Variants in ANO3 observed in about 807,000 individuals in gnomAD.
ANO3 encodes anoctamin-3.
ANO3 carries 99 observed loss-of-function variants against 144.8 expected under a neutral mutation model. The ratio of observed to expected loss-of-function variants is 0.68; its 90% CI spans 0.58 to 0.81. The LOEUF (loss-of-function observed/expected upper bound fraction) is 0.81, where lower values mean the gene tolerates loss of function less well. ANO3 is among the 30% of genes least tolerant of loss of function. The pLI, the probability that ANO3 is intolerant of heterozygous loss-of-function variation, is 0.00. For synonymous variants in ANO3, 414 were observed against 392.6 expected (o/e 1.05, Z -0.64); for missense variants, 905 against 1,202.2 (o/e 0.75, Z 3.66).
chr11:26,226,114 A>C (rs1195105843), intron 1 of ANO3, among the ~76,000 whole-genome samples: 1 of 152,064 alleles, frequency 6.6e-6, no homozygotes, highest in African/African-American at 2.4e-5. Flanking sequence ...AATGATACAA[A>C]AGTGTTTCCC....
intron 1 of ANO3, among the ~76,000 whole-genome samples, chr11:26,283,837 C>A (rs1245181407): frequency 6.6e-6 from 1 of 152,024 alleles, no homozygotes; most frequent in African/African-American, 2.4e-5. Flanking sequence ...CTGATGGGAA[C>A]CAATGGGATG....
chr11:26,544,916 A>G (rs1390098292), intron 11 of ANO3, among the ~76,000 whole-genome samples: 1 of 151,928 alleles, frequency 6.6e-6, no homozygotes, highest in Non-Finnish European at 1.5e-5. Flanking sequence ...TAAGAGAAGG[A>G]GTCTGTGATG....
intron 14 of ANO3, among the ~76,000 whole-genome samples, chr11:26,590,327 G>A (rs1212477824): frequency 1.3e-5 from 2 of 152,194 alleles, no homozygotes; most frequent in African/African-American, 4.8e-5. Flanking sequence ...CTTATATGAT[G>A]TGATATTTAC....
chr11:26,573,080 G>A (rs1850889342), intron 14 of ANO3, among the ~76,000 whole-genome samples: 1 of 152,118 alleles, frequency 6.6e-6, no homozygotes, highest in Admixed American at 6.6e-5. Context: ...TGGCGCCAAG[G>A]GCCGTTCAGC....
intron 1 of ANO3, among the ~76,000 whole-genome samples, chr11:26,245,752 G>C (rs1000900440): frequency 1.3e-5 from 2 of 152,138 alleles, no homozygotes; most frequent in African/African-American, 4.8e-5. Flanking sequence ...CCAATATCCC[G>C]ATTGGGTACA....
intron 1 of ANO3, among the ~76,000 whole-genome samples, chr11:26,259,922 A>G (rs1208712211): frequency 6.6e-6 from 1 of 152,144 alleles, no homozygotes; most frequent in African/African-American, 2.4e-5. Context: ...TTACCCTGGC[A>G]TCTGGAACAG....
At chr11:26,289,496 T>A (rs1025109070) in intron 1 of ANO3, among the ~76,000 whole-genome samples, 1 of 147,722 alleles carries the variant, frequency 6.8e-6, no homozygotes, top group Non-Finnish European at 1.5e-5. Flanking sequence ...ATTATTACCT[T>A]TGATTCTAAG....
chr11:26,207,832 T>C (rs1389587578), intron 1 of ANO3, among the ~76,000 whole-genome samples: 1 of 152,176 alleles, frequency 6.6e-6, no homozygotes, highest in African/African-American at 2.4e-5. Context: ...AAATAGTATG[T>C]AAGATTGAAG....
chr11:26,210,060 C>T (rs557432330), intron 1 of ANO3, among the ~76,000 whole-genome samples: 16 of 152,092 alleles, frequency 1.1e-4, no homozygotes, highest in Non-Finnish European at 2.1e-4. Context: ...ATTCTTTGCC[C>T]ATGCCTATGT....
chr11:26,199,333 A>G (rs1851648456), intron 1 of ANO3, among the ~76,000 whole-genome samples: 2 of 152,154 alleles, frequency 1.3e-5, no homozygotes, highest in Non-Finnish European at 2.9e-5. Context: ...CTCCTACTAA[A>G]GAGAAAATTT....
At chr11:26,419,847 T>C (rs1337628578) in intron 1 of ANO3, among the ~76,000 whole-genome samples, 1 of 152,078 alleles carries the variant, frequency 6.6e-6, no homozygotes. Flanking sequence ...TGTGATTTAG[T>C]TGAAGAGGAA....
chr11:26,531,041 C>A (rs1332848586), intron 7 of ANO3, among the ~76,000 whole-genome samples, 164 bp from the exon 8 acceptor site: 2 of 152,006 alleles, frequency 1.3e-5, no homozygotes, highest in African/African-American at 2.4e-5. Context: ...CTATTTTCTT[C>A]TTTTGTGTGG....
intron 14 of ANO3, among the ~76,000 whole-genome samples, chr11:26,566,618 C>T (rs1850595260): frequency 6.6e-6 from 1 of 151,778 alleles, no homozygotes; most frequent in Non-Finnish European, 1.5e-5. Flanking sequence ...ATCTTACTCT[C>T]TTATTTTATA....
chr11:26,307,743 A>G (rs1363136628), upstream of ANO3, among the ~76,000 whole-genome samples: 1 of 148,558 alleles, frequency 6.7e-6, no homozygotes, highest in Non-Finnish European at 1.5e-5. Flanking sequence ...TAATAATAAT[A>G]ATAATAATAA....
intron 14 of ANO3, among the ~76,000 whole-genome samples, chr11:26,564,704 C>CATATATATAT (rs1850454176): frequency 1.6e-5 from 1 of 62,824 alleles, no homozygotes; most frequent in Non-Finnish European, 3.0e-5. Flanking sequence ...CACACACACA[C>CATATATATAT]ACACACACAC....
At chr11:26,387,632 T>C (rs1248427671) in intron 1 of ANO3, among the ~76,000 whole-genome samples, 1 of 152,164 alleles carries the variant, frequency 6.6e-6, no homozygotes, top group East Asian at 1.9e-4. Flanking sequence ...ATATCTAAAA[T>C]TTTTGAAGAT....
Position 26,473,907 on chromosome 11 carries a change from A to C in ANO3, c.432+10759A>C, listed in dbSNP as rs78414411. 449 of 983,300 alleles carry C rather than the reference A, an allele frequency of 4.6e-4. 12 individuals carry two copies. In the East Asian group the frequency reaches 0.041, roughly 90 times the overall value. The allele number at this position is 983,300 out of a possible 1,614,324, so 60.9% of individuals were successfully genotyped here. On this transcript the variant is annotated intron_variant, in intron 4 of 26. Transcript: ENST00000256737. ...GATGAGTTATCTTTAAAAAAAAATG[A>C]TTATTCAAACTCTGGCATTTAGAGA... is the stretch of plus-strand genomic sequence containing the variant.
chr11:26,205,261 T>C (rs1430283909), intron 1 of ANO3, among the ~76,000 whole-genome samples: 1 of 152,158 alleles, frequency 6.6e-6, no homozygotes, highest in African/African-American at 2.4e-5. Flanking sequence ...TTGGGCATCT[T>C]TCTAAACTGG....
intron 17 of ANO3, among the ~76,000 whole-genome samples, chr11:26,623,231 G>A (rs1038466343): frequency 4.6e-5 from 7 of 152,180 alleles, no homozygotes; most frequent in African/African-American, 1.7e-4. Context: ...CAGCTAAGAT[G>A]AGTCATCACA....
Sources: allele counts gnomAD v4.1 joint callset (sites outside exome capture counted in the v4.1 genomes callset), GRCh38; gene constraint gnomAD v4.1.1; transcripts MANE v1.5; gene names NCBI Gene and HGNC (gene_info 2026-07-23, HGNC 2026-07-21).